Variants in FANCI observed in about 807,000 individuals in gnomAD.
FANCI encodes FA complementation group I, also known as Fanconi anemia group I protein.
A neutral mutation model predicts 176.1 loss-of-function variants in FANCI; 156 were observed. That is an observed-to-expected ratio of 0.89 (90% CI 0.78 to 1.01). The LOEUF is 1.01. FANCI is among the 50% of genes least tolerant of loss of function. The pLI is 0.00. For missense variants in FANCI, 1,678 were observed against 1,534.1 expected, an observed-to-expected ratio of 1.09 and a Z score of -1.57; for synonymous variants, 613 against 541.7, an observed-to-expected ratio of 1.13 and a Z score of -1.83.
chr15:89,290,282 G>C lies in FANCI; in HGVS notation c.1890+1G>C. 6.2e-7 allele frequency: 1 copy of C among 1,610,604 alleles called. No individual in the cohort carries two copies. Among genetic ancestry groups the C allele is most frequent in the Non-Finnish European group, 8.5e-7 (1 of 1,176,856 alleles). On this transcript the variant is annotated splice_donor_variant, in intron 19 of 37. Coordinates refer to ENST00000310775, the MANE Select transcript of FANCI (RefSeq NM_001113378.2). LOFTEE classifies it high-confidence loss of function. ...AGTCATGCAAACTCTGCTCTCACAGGTAAAATACATTTTTATGGATATATG... is the reference window on the plus strand; with the variant it reads ...AGTCATGCAAACTCTGCTCTCACAGCTAAAATACATTTTTATGGATATATG...
In FANCI at chr15:89,317,116, ATTATCT is replaced by A; in HGVS notation, c.*661_*666del. 1.7e-6 allele frequency: 1 copy of A among 593,436 alleles called. No homozygotes were observed. 36.8% of individuals were successfully genotyped at this position (593,436 alleles called of 1,614,324 possible). A position where few individuals can be genotyped will look rare whatever the true frequency, so the allele number is the denominator to read the frequency against. ...TGCAAGAATGCACTCTATAGAATAA[ATTATCT>A]TTAAACATTTCTTCTGTGGTTGAAG... is the stretch of plus-strand genomic sequence containing the variant. On this transcript the variant is annotated 3_prime_UTR_variant, in exon 38 of 38. Transcript: ENST00000310775.
chr15:89,273,151 T>A (rs1229989768), intron 10 of FANCI, among the ~76,000 whole-genome samples: 1 of 151,548 alleles, frequency 6.6e-6, no homozygotes, highest in African/African-American at 2.4e-5. Flanking sequence ...AAATTAAAAA[T>A]TAAAAATTAA....
At chr15:89,296,375 T>A (rs548082871) in intron 24 of FANCI, among the ~76,000 whole-genome samples, 2 of 152,254 alleles carry the variant, frequency 1.3e-5, no homozygotes, top group Non-Finnish European at 2.9e-5. Context: ...CCCAAAGTGC[T>A]GGGATTACAG....
At chr15:89,254,840 ATGGGTAGAAAGGAGTTCTCT>A (rs1425071518) in intron 2 of FANCI, among the ~76,000 whole-genome samples, 3 of 152,186 alleles carry the variant, frequency 2.0e-5, no homozygotes, top group Non-Finnish European at 4.4e-5. Flanking sequence ...AAATGAATAC[ATGGGTAGAAAGGAGTTCTCT>A]TGCTTACAGT....
chr15:89,308,035 T>C (rs940840501), intron 34 of FANCI: 2 of 1,184,352 alleles, frequency 1.7e-6, no homozygotes, highest in East Asian at 5.4e-5. Flanking sequence ...GAAGAAGGGT[T>C]GTGATGAGAC....
intron 22 of FANCI, 94 bp downstream of exon 22, chr15:89,293,157 C>G: frequency 7.4e-7 from 1 of 1,345,850 alleles, no homozygotes; most frequent in African/African-American, 1.4e-5. Flanking sequence ...AGTAAACAGA[C>G]CACAGACGAT....
At chr15:89,303,498 C>G (rs1310687244) in intron 27 of FANCI, among the ~76,000 whole-genome samples, 1 of 152,134 alleles carries the variant, frequency 6.6e-6, no homozygotes, top group East Asian at 1.9e-4. Context: ...TTTTCTCTTT[C>G]CCACACCTTT....
intron 23 of FANCI, 91 bp downstream of exon 23, chr15:89,294,088 T>C (rs1671333279): frequency 7.1e-7 from 1 of 1,417,086 alleles, no homozygotes; most frequent in African/African-American, 1.4e-5. Context: ...TTGGATTGTT[T>C]ACAGTAAGAA....
chr15:89,256,570 G>A (rs2151188558), intron 2 of FANCI, among the ~76,000 whole-genome samples: 1 of 152,080 alleles, frequency 6.6e-6, no homozygotes, highest in East Asian at 1.9e-4. Flanking sequence ...CATTGTCTTT[G>A]CTGGCAGCTG....
chr15:89,294,501 C>T (rs1429922624), intron 23 of FANCI, among the ~76,000 whole-genome samples: 1 of 152,112 alleles, frequency 6.6e-6, no homozygotes, highest in Non-Finnish European at 1.5e-5. Context: ...AGGAGACTCA[C>T]TTGAACCCAG....
intron 12 of FANCI, among the ~76,000 whole-genome samples, chr15:89,274,791 G>C (rs973744306): frequency 1.3e-5 from 2 of 151,546 alleles, no homozygotes; most frequent in African/African-American, 4.8e-5. Context: ...TTTTTGTAGA[G>C]ACAGAGTTTC....
chr15:89,250,718 T>TA lies in FANCI; in HGVS notation c.84+2994dup, dbSNP rs938833878. Among the ~76,000 whole-genome samples the TA allele has an allele frequency of 2.7e-5, 4 of 149,550 alleles. No individual in the cohort carries two copies. The East Asian group carries it at 5.8e-4, about 22-fold the overall frequency. On this transcript the variant is annotated intron_variant, in intron 2 of 37. Coordinates refer to ENST00000310775, the MANE Select transcript of FANCI (RefSeq NM_001113378.2). ...ATAAAAATATATATATATATAAAAATAAAAAAATACCTTCTAAATAACTCT... is the reference window on the plus strand; with the variant it reads ...ATAAAAATATATATATATATAAAAATAAAAAAAATACCTTCTAAATAACTCT...
At chr15:89,264,490 G>T in intron 8 of FANCI, 32 bp from the exon 9 acceptor site, 5 of 1,581,994 alleles carry the variant, frequency 3.2e-6, no homozygotes, top group South Asian at 1.1e-5. Context: ...GCTGTTAATT[G>T]GGAGACCTTA....
intron 18 of FANCI, among the ~76,000 whole-genome samples, chr15:89,288,330 T>TC (rs200444503): frequency 5.7e-4 from 86 of 150,776 alleles, no homozygotes; most frequent in South Asian, 3.4e-3. Flanking sequence ...ATATGCCCCT[T>TC]CCCCCCCAAA....
At chr15:89,290,456 A>G (rs2054017994) in intron 19 of FANCI, 175 bp downstream of exon 19, 1 of 620,498 alleles carries the variant, frequency 1.6e-6, no homozygotes, top group Non-Finnish European at 2.9e-6. Context: ...GTCACCACTT[A>G]CCTGTCTGCC....
chr15:89,268,313 C>T (rs1217934822), intron 9 of FANCI, 86 bp from the exon 10 acceptor site: 68 of 1,450,484 alleles, frequency 4.7e-5, no homozygotes, highest in East Asian at 3.0e-4. Flanking sequence ...TCAAGTGATG[C>T]GCCCGCCTTG....
intron 13 of FANCI, among the ~76,000 whole-genome samples, chr15:89,277,497 TC>T (rs1444773195): frequency 2.0e-5 from 3 of 150,822 alleles, no homozygotes; most frequent in African/African-American, 4.9e-5. Context: ...GCACCTGCAG[TC>T]CCAGCTACTT....
intron 1 of FANCI, among the ~76,000 whole-genome samples, chr15:89,244,545 C>T (rs975935993): frequency 1.3e-5 from 2 of 152,176 alleles, no homozygotes; most frequent in African/African-American, 4.8e-5. Flanking sequence ...AGCCACCCGC[C>T]TCTGGTCTTA....
Position 89,295,104 on chromosome 15 carries a change from T to A in FANCI, c.2636+10T>A. 1.9e-6 allele frequency: 3 copies of A among 1,550,108 alleles called. No homozygotes were observed. Among genetic ancestry groups the A allele is most frequent in the Non-Finnish European group, 2.6e-6 (3 of 1,146,612 alleles). ...TCTGTGACATAACTCGGTAAGCCAC[T>A]CCCACCCCTTAGAAACTTATTCCAC... On this transcript the variant is annotated intron_variant, in intron 24 of 37. Coordinates refer to ENST00000310775, the MANE Select transcript of FANCI (RefSeq NM_001113378.2).
Sources: gnomAD v4.1 joint callset for allele counts (sites outside exome capture counted in the v4.1 genomes callset) on GRCh38, gnomAD v4.1.1 for gene constraint, MANE v1.5 for transcripts, NCBI Gene and HGNC (gene_info 2026-07-23, HGNC 2026-07-21) for gene names.